HDX: variants seen among roughly 807,000 people sequenced by gnomAD.
HDX encodes the protein chromosome X open reading frame 43.
A neutral mutation model predicts 45.2 loss-of-function variants in HDX; 19 were observed. The ratio of observed to expected loss-of-function variants is 0.42; its 90% CI spans 0.29 to 0.62. The LOEUF is 0.62. Ranked by LOEUF, HDX falls within the 20% of genes least tolerant of loss-of-function variation. The pLI is 0.20. For synonymous variants in HDX, 188 were observed against 172.8 expected (o/e 1.09, Z -0.69); for missense variants, 532 against 493.9 (o/e 1.08, Z -0.73).
At chrX:84,497,940 G>A (rs1181755869) in intron 1 of HDX, among the ~76,000 whole-genome samples, 1 of 111,022 alleles carries the variant, frequency 9.0e-6, no homozygotes, top group Non-Finnish European at 1.9e-5. Flanking sequence ...TAACAAAAGT[G>A]CTTAGGGGAG....
chrX:84,378,821 G>A (rs2038119505), intron 5 of HDX, among the ~76,000 whole-genome samples: 2 of 111,307 alleles, frequency 1.8e-5, no homozygotes, highest in Admixed American at 9.5e-5. Flanking sequence ...AACACTGAAT[G>A]TAAATGGACT....
intron 5 of HDX, among the ~76,000 whole-genome samples, chrX:84,388,594 T>C (rs2038373035): frequency 8.9e-6 from 1 of 112,429 alleles, no homozygotes; most frequent in African/African-American, 3.2e-5. Flanking sequence ...CCTATTCTGC[T>C]GTTAATGCTT....
At chrX:84,402,199 TTAAAG>T (rs2038723381) in intron 5 of HDX, among the ~76,000 whole-genome samples, 1 of 111,650 alleles carries the variant, frequency 9.0e-6, no homozygotes, top group Non-Finnish European at 1.9e-5. Flanking sequence ...ATTCTGGAAC[TTAAAG>T]TAAAATAAAA....
intron 5 of HDX, among the ~76,000 whole-genome samples, chrX:84,406,628 A>G (rs1048544234): frequency 7.2e-5 from 8 of 110,967 alleles, no homozygotes; most frequent in African/African-American, 2.6e-4. Context: ...CATGGCTTCA[A>G]TTTAAATGTT....
At chrX:84,451,877 C>G (rs1302814697) in intron 4 of HDX, among the ~76,000 whole-genome samples, 1 of 111,511 alleles carries the variant, frequency 9.0e-6, no homozygotes, top group Non-Finnish European at 1.9e-5. Context: ...TCAACACATA[C>G]AAATCAATTA....
At chrX:84,388,422 C>G (rs947182400) in intron 5 of HDX, among the ~76,000 whole-genome samples, 1 of 111,678 alleles carries the variant, frequency 9.0e-6, no homozygotes, top group African/African-American at 3.3e-5. Context: ...GCTGTCTCCT[C>G]TCAGGAATGC....
intron 5 of HDX, among the ~76,000 whole-genome samples, chrX:84,385,253 G>T (rs1460190597): frequency 2.7e-5 from 2 of 73,333 alleles, no homozygotes; most frequent in South Asian, 1.9e-3. Context: ...TCGCTCTGTC[G>T]CCCAGGCTGG....
chrX:84,361,715 T>C, intron 5 of HDX, 103 bp from the exon 6 acceptor site: 1 of 530,180 alleles, frequency 1.9e-6, no homozygotes, highest in South Asian at 6.8e-5. Context: ...GCTACGATAC[T>C]AGCAAAATTT....
At chrX:84,336,626 T>C (rs987853800) in intron 8 of HDX, among the ~76,000 whole-genome samples, 175 bp downstream of exon 8, 3 of 111,643 alleles carry the variant, frequency 2.7e-5, no homozygotes, top group African/African-American at 9.7e-5. Flanking sequence ...AATGACAACA[T>C]TTTAAATTTT....
chrX:84,422,827 C>G (rs1296510082), intron 5 of HDX, among the ~76,000 whole-genome samples: 1 of 108,075 alleles, frequency 9.3e-6, no homozygotes, highest in Non-Finnish European at 1.9e-5. Flanking sequence ...CGCCACCATG[C>G]CTGGCTAATT....
intron 5 of HDX, among the ~76,000 whole-genome samples, chrX:84,386,019 G>T (rs1195466944): frequency 9.2e-6 from 1 of 108,814 alleles, no homozygotes; most frequent in Non-Finnish European, 1.9e-5. Context: ...ATTATTTTGA[G>T]GGATATTCCT....
At chrX:84,339,675 A>G (rs2037043312) in intron 7 of HDX, among the ~76,000 whole-genome samples, 1 of 111,404 alleles carries the variant, frequency 9.0e-6, no homozygotes, top group Non-Finnish European at 1.9e-5. Flanking sequence ...ATTGGATAAT[A>G]AAGTGGAATA....
intron 9 of HDX, among the ~76,000 whole-genome samples, chrX:84,329,306 T>G (rs915934754): frequency 1.8e-5 from 2 of 111,816 alleles, no homozygotes; most frequent in African/African-American, 6.5e-5. Flanking sequence ...GGGGGTTCAT[T>G]CAGATGGTTG....
intron 5 of HDX, among the ~76,000 whole-genome samples, chrX:84,418,479 C>T (rs935181556): frequency 1.8e-5 from 2 of 111,332 alleles, no homozygotes; most frequent in Non-Finnish European, 3.8e-5. Flanking sequence ...TGGTCTTTGC[C>T]ATTACTTTTA....
chrX:84,492,966 G>T (rs2040921630), intron 1 of HDX, among the ~76,000 whole-genome samples: 1 of 104,265 alleles, frequency 9.6e-6, no homozygotes, highest in Non-Finnish European at 1.9e-5. Context: ...AGGCTGAAGT[G>T]CAATGGCGCG....
intron 2 of HDX, among the ~76,000 whole-genome samples, chrX:84,482,594 C>T (rs1472455861): frequency 9.0e-6 from 1 of 111,467 alleles, no homozygotes; most frequent in East Asian, 2.9e-4. Flanking sequence ...AATTATTTCC[C>T]ACTGGGTCCC....
At chrX:84,460,048 A>G (rs921747836) in intron 4 of HDX, among the ~76,000 whole-genome samples, 1 of 111,630 alleles carries the variant, frequency 9.0e-6, no homozygotes. Flanking sequence ...AATAACAAAA[A>G]GTCTCCCAGC....
chrX:84,468,262 A>G (rs1005794503), intron 4 of HDX, among the ~76,000 whole-genome samples: 1 of 111,915 alleles, frequency 8.9e-6, no homozygotes, highest in Non-Finnish European at 1.9e-5. Context: ...CCATGTTATA[A>G]AAATGACTAT....
intron 5 of HDX, among the ~76,000 whole-genome samples, chrX:84,412,116 A>G (rs747906827): frequency 1.5e-4 from 17 of 111,413 alleles, no homozygotes; most frequent in Admixed American, 4.8e-4. Flanking sequence ...ATTTTTGTCC[A>G]ACTTACCACT....
Sources: gnomAD v4.1 joint callset for allele counts (sites outside exome capture counted in the v4.1 genomes callset) on GRCh38, gnomAD v4.1.1 for gene constraint, MANE v1.5 for transcripts, NCBI Gene and HGNC (gene_info 2026-07-23, HGNC 2026-07-21) for gene names.